The following SYNPO2 variants were observed in gnomAD, a reference collection of about 807,000 sequenced individuals.
The protein encoded by SYNPO2 is synaptopodin-2.
A neutral mutation model predicts 85.0 loss-of-function variants in SYNPO2; 56 were observed. That is an observed-to-expected ratio of 0.66 (90% CI 0.53 to 0.82). The LOEUF (loss-of-function observed/expected upper bound fraction) is 0.82. Among genes scored for constraint, SYNPO2 ranks in the 40% least tolerant of loss-of-function variants. The probability of loss-of-function intolerance (pLI) is 0.00; values close to 1 mark genes in which losing one functional copy is unlikely to be tolerated. For missense variants in SYNPO2, 1,575 were observed against 1,534.2 expected, an observed-to-expected ratio of 1.03 and a Z score of -0.44; for synonymous variants, 602 against 591.1, an observed-to-expected ratio of 1.02 and a Z score of -0.27.
chr4:119,051,478 A>T (rs971752270), intron 4 of SYNPO2, among the ~76,000 whole-genome samples: 3 of 151,860 alleles, frequency 2.0e-5, no homozygotes, highest in African/African-American at 7.3e-5. Context: ...GGCGTGAGCC[A>T]CCGCGCCCGG....
At chr4:118,916,174 G>A (rs1335590925) in intron 1 of SYNPO2, among the ~76,000 whole-genome samples, 1 of 149,324 alleles carries the variant, frequency 6.7e-6, no homozygotes, top group Non-Finnish European at 1.5e-5. Flanking sequence ...GGGTTTTTTG[G>A]GTTTTTTTTT....
At chr4:119,017,569 T>G (rs1161475772) in intron 1 of SYNPO2, among the ~76,000 whole-genome samples, 5 of 152,008 alleles carry the variant, frequency 3.3e-5, no homozygotes, top group Non-Finnish European at 5.9e-5. Context: ...CTCTAAAACT[T>G]TAATTGTTGC....
chr4:118,930,024 T>C (rs973723327), intron 1 of SYNPO2, among the ~76,000 whole-genome samples: 6 of 152,166 alleles, frequency 3.9e-5, no homozygotes, highest in African/African-American at 1.4e-4. Flanking sequence ...AATGGCCAGA[T>C]AGAACTCTAA....
chr4:118,876,681 CTT>C (rs1427205924), intron 1 of SYNPO2, among the ~76,000 whole-genome samples: 13 of 44,386 alleles, frequency 2.9e-4, no homozygotes, highest in Admixed American at 2.4e-3. Flanking sequence ...TTCTTTCTTT[CTT>C]TCTTTCTTTC....
chr4:119,004,153 T>C lies in SYNPO2; in HGVS notation c.106-19277T>C, dbSNP rs946901724. On this transcript the variant is annotated intron_variant, in intron 1 of 4. Transcript: ENST00000307142. Reference sequence around the variant, plus strand: ...ATTCTGCAGAGCAAATTGTATTGTTTGTTTGGCTTTCTCTAACTTAGGGTT... The same window carrying C: ...ATTCTGCAGAGCAAATTGTATTGTTCGTTTGGCTTTCTCTAACTTAGGGTT... Among the ~76,000 whole-genome samples the C allele has an allele frequency of 5.3e-5, 8 of 152,226 alleles. No individual in the cohort carries two copies. In the East Asian group the frequency reaches 1.5e-3, roughly 29 times the overall value.
chr4:118,897,423 C>CTCCTCTT (rs1450752457), intron 1 of SYNPO2, among the ~76,000 whole-genome samples: 4 of 152,170 alleles, frequency 2.6e-5, no homozygotes, highest in Admixed American at 2.6e-4. Flanking sequence ...CCTTCCTTCA[C>CTCCTCTT]CCCTCTTCCT....
intron 1 of SYNPO2, among the ~76,000 whole-genome samples, chr4:118,960,846 G>T (rs1735054732): frequency 6.6e-6 from 1 of 151,822 alleles, no homozygotes. Flanking sequence ...ACCACCCTCC[G>T]CCTAATTCCT....
chr4:118,896,577 A>G (rs1732556438), intron 1 of SYNPO2, among the ~76,000 whole-genome samples: 1 of 152,218 alleles, frequency 6.6e-6, no homozygotes, highest in Admixed American at 6.5e-5. Flanking sequence ...TGACAACCTC[A>G]ATGAGAACAT....
At chr4:119,024,454 C>G (rs1013637258) in intron 2 of SYNPO2, among the ~76,000 whole-genome samples, 1 of 152,138 alleles carries the variant, frequency 6.6e-6, no homozygotes, top group African/African-American at 2.4e-5. Flanking sequence ...AGAAACACTA[C>G]GCACAGTTAC....
chr4:118,867,964 G>T (rs1731730924), intron 1 of SYNPO2, among the ~76,000 whole-genome samples: 1 of 149,640 alleles, frequency 6.7e-6, no homozygotes, highest in African/African-American at 2.5e-5. Flanking sequence ...GTCAGTCTCT[G>T]TCATGTTTAA....
intron 1 of SYNPO2, among the ~76,000 whole-genome samples, chr4:118,851,868 G>C (rs1731425079): frequency 7.9e-6 from 1 of 126,284 alleles, no homozygotes; most frequent in Non-Finnish European, 1.7e-5. Flanking sequence ...GGATGTAGTT[G>C]GTGGGGGAAA....
At chr4:118,928,861 T>A (rs1373931488) in intron 1 of SYNPO2, among the ~76,000 whole-genome samples, 1 of 152,174 alleles carries the variant, frequency 6.6e-6, no homozygotes, top group Non-Finnish European at 1.5e-5. Flanking sequence ...GGTAATAAAT[T>A]GTTTCTTGTT....
chr4:118,991,986 T>C lies in SYNPO2; in HGVS notation c.106-31444T>C, dbSNP rs181715758. Among the ~76,000 whole-genome samples the C allele has an allele frequency of 6.4e-4, 97 of 152,154 alleles. 1 individual carries two copies. The East Asian group carries it at 0.018, about 28-fold the overall frequency. On this transcript the variant is annotated intron_variant, in intron 1 of 4. Transcript: ENST00000307142. ...GGAGTTCATTCCAGAGTGAACAGCA[T>C]GTGCAAAGGTGTAGAGTCTTAAAAG...
Position 119,039,192 on chromosome 4 carries a change from A to G in SYNPO2, c.3252+7165A>G, listed in dbSNP as rs1019152602. On this transcript the variant is annotated intron_variant, in intron 4 of 4. Coordinates refer to ENST00000307142, the MANE Select transcript of SYNPO2 (RefSeq NM_133477.3). ...ATGATGAAAGTATGATGTAGGTACT[A>G]TTATCATCCCACTTTAAGATGAGAA... Among the ~76,000 whole-genome samples, 4 of 152,190 alleles carry G rather than the reference A, an allele frequency of 2.6e-5. No individual in the cohort carries two copies. The East Asian group carries it at 7.7e-4, about 29-fold the overall frequency.
At chr4:118,898,136 C>T (rs909747005) in intron 1 of SYNPO2, among the ~76,000 whole-genome samples, 5 of 152,064 alleles carry the variant, frequency 3.3e-5, no homozygotes, top group South Asian at 2.1e-4. Context: ...GAAGCAAAAA[C>T]CTTCAAGCAG....
intron 1 of SYNPO2, among the ~76,000 whole-genome samples, chr4:118,890,072 GAAAT>G (rs1344751662): frequency 6.6e-6 from 1 of 151,110 alleles, no homozygotes; most frequent in Non-Finnish European, 1.5e-5. Context: ...AGATCTTTAT[GAAAT>G]ACATGGGCCA....
chr4:118,903,528 G>A (rs185482347), intron 1 of SYNPO2, among the ~76,000 whole-genome samples: 5 of 152,226 alleles, frequency 3.3e-5, no homozygotes, highest in Non-Finnish European at 5.9e-5. Flanking sequence ...AACAACTTGC[G>A]ATGATGCTTT....
intron 4 of SYNPO2, chr4:119,037,157 T>C (rs1044514893): frequency 1.3e-6 from 2 of 1,546,598 alleles, no homozygotes. Context: ...CATAAGGACC[T>C]ACTTCCCAGC....
chr4:118,990,279 C>G (rs148358688), intron 1 of SYNPO2, among the ~76,000 whole-genome samples: 1 of 152,206 alleles, frequency 6.6e-6, no homozygotes, highest in Admixed American at 6.5e-5. Flanking sequence ...CTATTCCTTT[C>G]TCTCACAAAG....
Sources: allele counts gnomAD v4.1 joint callset (sites outside exome capture counted in the v4.1 genomes callset), GRCh38; gene constraint gnomAD v4.1.1; transcripts MANE v1.5; gene names NCBI Gene and HGNC (gene_info 2026-07-23, HGNC 2026-07-21).